Variants in BLTP1 observed in about 807,000 individuals in gnomAD.
The protein encoded by BLTP1 is bridge-like lipid transfer protein family member 1.
chr4:122,361,269 T>C, the BLTP1 span, among the ~76,000 whole-genome samples: 641 of 152,204 alleles, frequency 4.2e-3, 2 homozygotes, highest in African/African-American at 0.014. Flanking sequence ...AACAATAGCT[T>C]TCTACAAAGT....
chr4:122,334,682 T>G, the BLTP1 span: 1 of 816,854 alleles, frequency 1.2e-6, no homozygotes, highest in Non-Finnish European at 1.9e-6. Flanking sequence ...TCTACAGACT[T>G]CATATATGGA....
the BLTP1 span, chr4:122,297,942 A>ATACTGG: frequency 2.6e-5 from 4 of 154,156 alleles, no homozygotes; most frequent in African/African-American, 7.2e-5. Flanking sequence ...CAGGAAGAAT[A>ATACTGG]GCTAATGGAT....
At chr4:122,217,107 C>T in the BLTP1 span, among the ~76,000 whole-genome samples, 4 of 151,854 alleles carry the variant, frequency 2.6e-5, no homozygotes, top group African/African-American at 7.3e-5. Flanking sequence ...ACCCACTTTT[C>T]GCACTTTATG....
the BLTP1 span, among the ~76,000 whole-genome samples, chr4:122,180,609 TTTTGTAGAA>T: frequency 6.6e-6 from 1 of 152,194 alleles, no homozygotes; most frequent in Non-Finnish European, 1.5e-5. Flanking sequence ...AGTAAATGCA[TTTTGTAGAA>T]CTGCTTAAGT....
At chr4:122,267,660 C>G in the BLTP1 span, 2 of 959,874 alleles carry the variant, frequency 2.1e-6, no homozygotes, top group Non-Finnish European at 1.2e-6. Flanking sequence ...GTCTAGCCAT[C>G]AGAAACAAAT....
the BLTP1 span, chr4:122,170,462 T>C: frequency 7.7e-7 from 1 of 1,294,888 alleles, no homozygotes; most frequent in Non-Finnish European, 9.9e-7. Context: ...AATGTGGGCA[T>C]TTTTGTTGTA....
chr4:122,243,776 T>A, the BLTP1 span: 15 of 1,388,918 alleles, frequency 1.1e-5, no homozygotes, highest in Non-Finnish European at 8.4e-6. Flanking sequence ...TGAATGCATG[T>A]GTTCACTCAT....
At chr4:122,230,361 A>G in the BLTP1 span, 1 of 650,460 alleles carries the variant, frequency 1.5e-6, no homozygotes, top group Non-Finnish European at 2.6e-6. Context: ...ATGAATATAT[A>G]AGGACCTGAT....
chr4:122,347,490 ATTTTTTGTT>A, the BLTP1 span: 1 of 1,587,844 alleles, frequency 6.3e-7, no homozygotes, highest in African/African-American at 1.4e-5. Flanking sequence ...GTTACTTTGG[ATTTTTTGTT>A]TGTTTTGTTT....
chr4:122,175,155 G>A, the BLTP1 span: 1 of 984,364 alleles, frequency 1.0e-6, no homozygotes, highest in East Asian at 1.1e-4. Flanking sequence ...CTCAATTTTT[G>A]TGATTTTCTT....
the BLTP1 span, chr4:122,346,078 T>A: frequency 2.0e-5 from 18 of 890,846 alleles, no homozygotes; most frequent in Non-Finnish European, 2.3e-5. Context: ...AAATTTTAGC[T>A]GTGGGAGTCA....
chr4:122,350,459 C>CACATGGTTGTAGCTTAA, the BLTP1 span: 2 of 914,372 alleles, frequency 2.2e-6, no homozygotes, highest in Non-Finnish European at 2.6e-6. Flanking sequence ...ATTTATTAAG[C>CACATGGTTGTAGCTTAA]TACAACCATG....
the BLTP1 span, chr4:122,258,983 T>C: frequency 1.7e-6 from 1 of 575,802 alleles, no homozygotes; most frequent in Non-Finnish European, 3.0e-6. Flanking sequence ...ATTTGTAATT[T>C]CAGTGTAAAT....
the BLTP1 span, chr4:122,264,391 C>G: frequency 6.2e-7 from 1 of 1,610,426 alleles, no homozygotes; most frequent in Admixed American, 1.7e-5. Flanking sequence ...AAGAAGCAAA[C>G]CAAGGGTTTC....
the BLTP1 span, chr4:122,347,233 G>A: frequency 3.0e-6 from 3 of 984,622 alleles, no homozygotes. Context: ...TTTTGGAAAT[G>A]AAAACTAGAG....
chr4:122,345,154 G>A, the BLTP1 span: 1 of 544,502 alleles, frequency 1.8e-6, no homozygotes, highest in East Asian at 1.5e-4. Flanking sequence ...TTAAGCCTGT[G>A]TTTTAGGGTA....
At chr4:122,356,932 C>G in the BLTP1 span, 20 of 983,856 alleles carry the variant, frequency 2.0e-5, 1 homozygote, top group South Asian at 8.5e-4. Flanking sequence ...GCTATATATA[C>G]AGCACCAATG....
the BLTP1 span, among the ~76,000 whole-genome samples, chr4:122,342,366 T>TTTATTTA: frequency 1.5e-3 from 216 of 145,464 alleles, 1 homozygote; most frequent in African/African-American, 5.2e-3. Flanking sequence ...TTATTTATTT[T>TTTATTTA]TTTTTTTGAG....
the BLTP1 span, chr4:122,324,291 G>T: frequency 1.2e-6 from 1 of 826,366 alleles, no homozygotes; most frequent in Non-Finnish European, 1.7e-6. Context: ...CCTCTATTTT[G>T]ACTCATATTG....
Sources: allele counts gnomAD v4.1 joint callset (sites outside exome capture counted in the v4.1 genomes callset), GRCh38; gene constraint gnomAD v4.1.1; transcripts MANE v1.5; gene names NCBI Gene and HGNC (gene_info 2026-07-23, HGNC 2026-07-21).